Variants in PVT1 observed in about 807,000 individuals in gnomAD.
PVT1 encodes CXCR4/PVT1 fusion.
intron 2 of PVT1, among the ~76,000 whole-genome samples, chr8:127,819,489 C>A (rs574103524): frequency 1.6e-4 from 25 of 152,272 alleles, no homozygotes; most frequent in African/African-American, 6.0e-4. Context: ...AAGTGTCTTC[C>A]CAAGGTTAAC....
intron 2 of PVT1, among the ~76,000 whole-genome samples, chr8:127,811,314 A>G (rs901144722): frequency 1.3e-5 from 2 of 152,224 alleles, no homozygotes. Flanking sequence ...TTAAAGGAAC[A>G]TTCATAGGCC....
intron 2 of PVT1, among the ~76,000 whole-genome samples, chr8:127,890,379 C>G (rs1415156687): frequency 6.6e-6 from 1 of 152,262 alleles, no homozygotes; most frequent in African/African-American, 2.4e-5. Context: ...AGTTCCCTGT[C>G]TGAGAGGTCC....
intron 3 of PVT1, among the ~76,000 whole-genome samples, chr8:127,952,305 T>A (rs1036842708): frequency 2.6e-5 from 4 of 152,224 alleles, no homozygotes; most frequent in South Asian, 4.1e-4. Context: ...ACAGTTTCAC[T>A]GTCTCAGCAG....
At chr8:127,914,260 CAAAAAAAAAAAAAAAAAAA>C (rs60359946) in intron 3 of PVT1, among the ~76,000 whole-genome samples, 1,400 of 47,878 alleles carry the variant, frequency 0.029, 41 homozygotes, top group African/African-American at 0.073. Flanking sequence ...CCACCAACAG[CAAAAAAAAAAAAAAAAAAA>C]AAAAAAAAAA....
At chr8:128,035,622 G>A (rs1355584792) in intron 4 of PVT1, among the ~76,000 whole-genome samples, 1 of 152,216 alleles carries the variant, frequency 6.6e-6, no homozygotes, top group South Asian at 2.1e-4. Flanking sequence ...ACCTTCGACT[G>A]TTATCTCACA....
chr8:127,993,292 C>T (rs1285845526), intron 4 of PVT1, among the ~76,000 whole-genome samples: 2 of 152,216 alleles, frequency 1.3e-5, no homozygotes, highest in African/African-American at 4.8e-5. Context: ...GAGCTTCCTC[C>T]GTGATGTCTG....
At chr8:127,855,363 C>A (rs570550721) in intron 2 of PVT1, 2 of 395,086 alleles carry the variant, frequency 5.1e-6, no homozygotes, top group African/African-American at 2.1e-5. Flanking sequence ...TCCCGGTGTG[C>A]GGAAATTGGA....
chr8:128,025,115 C>T (rs1332196910), intron 4 of PVT1, among the ~76,000 whole-genome samples: 7 of 152,222 alleles, frequency 4.6e-5, no homozygotes, highest in East Asian at 3.9e-4. Context: ...AGGGTGGGAG[C>T]GGTGCCAGGG....
At chr8:128,071,714 A>ATAAATAAATAAATAAC in intron 5 of PVT1, among the ~76,000 whole-genome samples, 1 of 151,374 alleles carries the variant, frequency 6.6e-6, no homozygotes, top group East Asian at 1.9e-4. Flanking sequence ...AAATAAATAA[A>ATAAATAAATAAATAAC]TAAATAAAAA....
intron 3 of PVT1, among the ~76,000 whole-genome samples, chr8:127,935,070 C>CA (rs1816256050): frequency 6.6e-6 from 1 of 152,054 alleles, no homozygotes; most frequent in Admixed American, 6.6e-5. Flanking sequence ...AGGTTCAAGC[C>CA]ATTCTCCTGC....
chr8:127,805,942 T>C (rs935796350), intron 2 of PVT1, among the ~76,000 whole-genome samples: 2 of 152,012 alleles, frequency 1.3e-5, no homozygotes, highest in African/African-American at 4.8e-5. Context: ...AAAGACAAGA[T>C]TGATCAATAT....
intron 3 of PVT1, among the ~76,000 whole-genome samples, chr8:127,987,877 G>A (rs777704809): frequency 3.9e-5 from 6 of 152,232 alleles, no homozygotes; most frequent in Non-Finnish European, 5.9e-5. Context: ...GCCCAGAGGC[G>A]CTGAGGACAG....
chr8:127,905,363 C>T (rs554165948), intron 3 of PVT1, among the ~76,000 whole-genome samples: 1 of 152,340 alleles, frequency 6.6e-6, no homozygotes, highest in South Asian at 2.1e-4. Context: ...GGGATATAGA[C>T]CACCTGTGTG....
intron 3 of PVT1, among the ~76,000 whole-genome samples, chr8:127,917,071 A>G (rs1056504461): frequency 6.6e-6 from 1 of 152,194 alleles, no homozygotes; most frequent in African/African-American, 2.4e-5. Flanking sequence ...GACTTAGAGC[A>G]TCTCTCAAGC....
chr8:127,987,494 G>T (rs915005560), intron 3 of PVT1, among the ~76,000 whole-genome samples: 1 of 152,220 alleles, frequency 6.6e-6, no homozygotes, highest in Non-Finnish European at 1.5e-5. Flanking sequence ...CCTGGGAGGA[G>T]AGGAAGAAGT....
chr8:128,088,728 C>T (rs1460148361), intron 5 of PVT1, among the ~76,000 whole-genome samples: 1 of 152,246 alleles, frequency 6.6e-6, no homozygotes, highest in Non-Finnish European at 1.5e-5. Context: ...TAAATATCAA[C>T]TGTGAAAGGT....
chr8:127,836,643 A>G (rs966693697), intron 2 of PVT1, among the ~76,000 whole-genome samples: 1 of 152,190 alleles, frequency 6.6e-6, no homozygotes, highest in South Asian at 2.1e-4. Flanking sequence ...ATAATAAAAT[A>G]AGAACGTAAA....
intron 3 of PVT1, among the ~76,000 whole-genome samples, chr8:127,974,068 A>C (rs1344735134): frequency 2.6e-5 from 4 of 151,864 alleles, no homozygotes; most frequent in Non-Finnish European, 5.9e-5. Context: ...AAGGGTGGGC[A>C]CTTAAATTAC....
intron 3 of PVT1, among the ~76,000 whole-genome samples, chr8:127,969,875 A>G (rs1411690439): frequency 6.6e-6 from 1 of 152,232 alleles, no homozygotes; most frequent in Admixed American, 6.5e-5. Context: ...CTATTGGCCC[A>G]GGACAAAAGC....
Sources: gnomAD v4.1 joint callset for allele counts (sites outside exome capture counted in the v4.1 genomes callset) on GRCh38, gnomAD v4.1.1 for gene constraint, MANE v1.5 for transcripts, NCBI Gene and HGNC (gene_info 2026-07-23, HGNC 2026-07-21) for gene names.